DAPK3: variants seen among roughly 807,000 people sequenced by gnomAD.
DAPK3 encodes the protein death associated protein kinase 3, also known as death-associated protein kinase 3.
In DAPK3, 24 loss-of-function variants were observed where a neutral mutation model predicts 30.6. That is an observed-to-expected ratio of 0.78 (90% confidence interval 0.57 to 1.10). DAPK3 has a LOEUF of 1.10. Among genes scored for constraint, DAPK3 ranks in the 50% least tolerant of loss-of-function variants. The probability of loss-of-function intolerance (pLI) is 0.00; values close to 1 mark genes in which losing one functional copy is unlikely to be tolerated. For synonymous variants in DAPK3, 341 were observed against 284.0 expected (o/e 1.20, Z -2.02); for missense variants, 629 against 657.3 (o/e 0.96, Z 0.47).
chr19:3,958,466 G>A lies in DAPK3; in HGVS notation c.*635C>T, dbSNP rs2039463875. 2.2e-6 allele frequency: 1 copy of A among 456,266 alleles called. No homozygotes were observed. The highest frequency in any genetic ancestry group is 2.0e-5 in the African/African-American group (1 of 50,110). The allele number at this position is 456,266 out of a possible 1,614,324, so 28.3% of individuals were successfully genotyped here. A position where few individuals can be genotyped will look rare whatever the true frequency, so the allele number is the denominator to read the frequency against. On this transcript the variant is annotated 3_prime_UTR_variant, in exon 9 of 9. Transcript: ENST00000545797. ...ACAACACCCGCGTATCTGGAAGCCA[G>A]TATTTTATTTCTCTTGGCTGCAGAG...
chr19:3,961,396 A>T (rs755768077), intron 6 of DAPK3: 1 of 674,830 alleles, frequency 1.5e-6, no homozygotes, highest in Non-Finnish European at 2.8e-6. Context: ...GAACAGGCAG[A>T]AGTCTCCTTG....
chr19:3,959,935 G>A, intron 8 of DAPK3, 124 bp downstream of exon 8: 2 of 758,622 alleles, frequency 2.6e-6, no homozygotes, highest in South Asian at 1.4e-5. Context: ...TCACTCCTCT[G>A]GGGACCCTCC....
intron 2 of DAPK3, among the ~76,000 whole-genome samples, chr19:3,966,608 C>T (rs752051852): frequency 2.6e-5 from 4 of 152,180 alleles, no homozygotes; most frequent in Non-Finnish European, 4.4e-5. Flanking sequence ...ACATAAGCCC[C>T]GTCATTCACT....
intron 2 of DAPK3, among the ~76,000 whole-genome samples, chr19:3,965,831 A>T (rs751650560): frequency 6.6e-4 from 100 of 150,494 alleles, no homozygotes; most frequent in Non-Finnish European, 1.2e-3. Flanking sequence ...CACCCAATTA[A>T]TTTTTTTTTC....
In DAPK3 at chr19:3,971,059, C is replaced by T. The variant is rs1014144954; in HGVS notation, c.-233G>A. On this transcript the variant is annotated 5_prime_UTR_variant, in exon 1 of 9. Transcript: ENST00000545797. ...GGAGAATACGGCCGGCGCCGCCGCG[C>T]TGGCCACCGCCGCCGCCTCCAGAAG... 5 of 154,324 alleles carry T rather than the reference C, an allele frequency of 3.2e-5. No individual in the cohort carries two copies. Among genetic ancestry groups the T allele is most frequent in the African/African-American group, 1.2e-4 (5 of 41,446 alleles). 9.6% of individuals were successfully genotyped at this position (154,324 alleles called of 1,614,324 possible).
chr19:3,965,426 G>A (rs565901389), intron 2 of DAPK3, among the ~76,000 whole-genome samples: 2 of 152,292 alleles, frequency 1.3e-5, no homozygotes, highest in East Asian at 1.9e-4. Flanking sequence ...AGAGCAGCCT[G>A]GCCAACATGG....
chr19:3,959,960 T>C (rs1055901521), intron 8 of DAPK3, 99 bp downstream of exon 8: 7 of 799,204 alleles, frequency 8.8e-6, no homozygotes, highest in East Asian at 4.9e-5. Context: ...CCACTGGGGG[T>C]TGTCACATCC....
intron 1 of DAPK3, 178 bp from the exon 2 acceptor site, chr19:3,970,007 A>T: frequency 7.9e-6 from 4 of 506,174 alleles, no homozygotes; most frequent in Non-Finnish European, 1.4e-5. Flanking sequence ...CACCTCTTAG[A>T]GCCCCATAAC....
rs1219186545 is a variant in DAPK3 at position 3,961,225 on chromosome 19, C to T, written c.630-64G>A. ...TCCCACCACGGCCGCGCCGCCTCTC[C>T]GGCTGCCCACGACAGGCGGAGCACA... On this transcript the variant is annotated intron_variant, in intron 6 of 8. Transcript: ENST00000545797. The T allele has an allele frequency of 1.5e-5, 21 of 1,358,006 alleles. No homozygotes were observed. In the Admixed American group the frequency reaches 2.0e-4, roughly 13 times the overall value. The allele number at this position is 1,358,006 out of a possible 1,614,324, so 84.1% of individuals were successfully genotyped here.
At chr19:3,971,087 CCGCGCCCCTGCCGCCGCGA>C (rs1337447746) in exon 1 of DAPK3, 1 of 154,106 alleles carries the variant, frequency 6.5e-6, no homozygotes, top group African/African-American at 2.4e-5. Context: ...TCCAGAAGCC[CCGCGCCCCTGCCGCCGCGA>C]CGCGCCTGCG....
chr19:3,961,473 G>C (rs747093571), intron 6 of DAPK3: 1 of 553,794 alleles, frequency 1.8e-6, no homozygotes, highest in Non-Finnish European at 3.7e-6. Context: ...GCCGAGGGGA[G>C]GGTAACTGCA....
intron 7 of DAPK3, among the ~76,000 whole-genome samples, chr19:3,960,514 C>T (rs1158399878): frequency 2.6e-5 from 4 of 152,034 alleles, no homozygotes; most frequent in Admixed American, 6.6e-5. Flanking sequence ...GTCTCACGCC[C>T]GCAATCCCAG....
intron 5 of DAPK3, 66 bp from the exon 6 acceptor site, chr19:3,963,735 G>T: frequency 1.5e-6 from 2 of 1,375,474 alleles, no homozygotes; most frequent in Non-Finnish European, 2.0e-6. Context: ...GGACCGTGGC[G>T]TCCAGCGCCC....
chr19:3,969,509 G>T (rs932086233), intron 2 of DAPK3, among the ~76,000 whole-genome samples, 165 bp downstream of exon 2: 1 of 152,104 alleles, frequency 6.6e-6, no homozygotes, highest in Non-Finnish European at 1.5e-5. Context: ...TCACAGCCGG[G>T]GCTGTCTGAC....
chr19:3,964,094 G>T, intron 4 of DAPK3, 150 bp downstream of exon 4: 2 of 837,200 alleles, frequency 2.4e-6, no homozygotes, highest in South Asian at 1.7e-5. Flanking sequence ...CCAAATGGAG[G>T]CCCAGACCTC....
intron 2 of DAPK3, among the ~76,000 whole-genome samples, chr19:3,966,823 C>T (rs1324830169): frequency 2.0e-5 from 3 of 152,016 alleles, no homozygotes; most frequent in African/African-American, 4.8e-5. Flanking sequence ...AGACCACAGC[C>T]GCCCACCTCC....
chr19:3,965,114 A>C, intron 2 of DAPK3, 123 bp from the exon 3 acceptor site: 1 of 627,414 alleles, frequency 1.6e-6, no homozygotes. Flanking sequence ...CACTTGAAGG[A>C]CATGAGCTGG....
chr19:3,964,544 C>T (rs1029159475), intron 3 of DAPK3, 87 bp downstream of exon 3: 368 of 1,447,152 alleles, frequency 2.5e-4, no homozygotes, highest in Non-Finnish European at 2.9e-4. Context: ...CACCCCCACG[C>T]GCAGGAGGTG....
Position 3,961,166 on chromosome 19 carries a change from G to C in DAPK3, c.630-5C>G. ...AACGGGGATGCACCGCTCAGGCTGC[G>C]AGACAGGCGTGGGGGCTCAGTGGGG... On this transcript the variant is annotated splice_region_variant and splice_polypyrimidine_tract_variant and intron_variant, in intron 6 of 8. Transcript: ENST00000545797. 6.2e-7 allele frequency: 1 copy of C among 1,610,152 alleles called. No homozygotes were observed. Among genetic ancestry groups the C allele is most frequent in the Non-Finnish European group, 8.5e-7 (1 of 1,178,584 alleles).
Sources: allele counts gnomAD v4.1 joint callset (sites outside exome capture counted in the v4.1 genomes callset), GRCh38; gene constraint gnomAD v4.1.1; transcripts MANE v1.5; gene names NCBI Gene and HGNC (gene_info 2026-07-23, HGNC 2026-07-21).